DGKB: variants seen among roughly 807,000 people sequenced by gnomAD.
The protein encoded by DGKB is 90 kDa diacylglycerol kinase.
In DGKB, 67 loss-of-function variants were observed where a neutral mutation model predicts 114.3. The ratio of observed to expected loss-of-function variants is 0.59; its 90% CI spans 0.48 to 0.72. The LOEUF (loss-of-function observed/expected upper bound fraction) is 0.72, where lower values mean the gene tolerates loss of function less well. DGKB is among the 30% of genes least tolerant of loss of function. The pLI, the probability that DGKB is intolerant of heterozygous loss-of-function variation, is 0.00. For missense variants in DGKB, 907 were observed against 975.2 expected, an observed-to-expected ratio of 0.93 and a Z score of 0.93; for synonymous variants, 398 against 323.1, an observed-to-expected ratio of 1.23 and a Z score of -2.49.
intron 21 of DGKB, among the ~76,000 whole-genome samples, chr7:14,354,701 C>T (rs1814126864): frequency 6.6e-6 from 1 of 152,086 alleles, no homozygotes; most frequent in South Asian, 2.1e-4. Flanking sequence ...TGCTGAAATT[C>T]CATAGTTACC....
At chr7:14,785,270 CTTATTA>C (rs1248723467) in intron 2 of DGKB, among the ~76,000 whole-genome samples, 7 of 152,006 alleles carry the variant, frequency 4.6e-5, no homozygotes, top group Non-Finnish European at 1.0e-4. Flanking sequence ...TTTCAAGTAT[CTTATTA>C]TAAGTATTTT....
intron 23 of DGKB, among the ~76,000 whole-genome samples, chr7:14,295,961 G>T (rs1486185903): frequency 1.3e-5 from 2 of 151,084 alleles, no homozygotes; most frequent in African/African-American, 4.9e-5. Flanking sequence ...GCAGTGTTTG[G>T]TTTTCTATTC....
intron 13 of DGKB, among the ~76,000 whole-genome samples, chr7:14,634,671 GA>G (rs1810404452): frequency 6.6e-6 from 1 of 151,450 alleles, no homozygotes; most frequent in Non-Finnish European, 1.5e-5. Context: ...GTAAGATAAA[GA>G]AAAATTGTCT....
At chr7:14,558,156 T>C (rs987370135) in intron 20 of DGKB, among the ~76,000 whole-genome samples, 4 of 150,242 alleles carry the variant, frequency 2.7e-5, no homozygotes, top group African/African-American at 9.7e-5. Context: ...CTATATAATA[T>C]GTAAATAATT....
intron 13 of DGKB, among the ~76,000 whole-genome samples, chr7:14,645,633 C>A (rs1221310365): frequency 6.6e-6 from 1 of 151,468 alleles, no homozygotes; most frequent in African/African-American, 2.4e-5. Context: ...ATTAGACTAA[C>A]AACACACTTC....
At chr7:14,489,733 G>C (rs1469557814) in intron 20 of DGKB, among the ~76,000 whole-genome samples, 3 of 152,178 alleles carry the variant, frequency 2.0e-5, no homozygotes, top group Non-Finnish European at 4.4e-5. Flanking sequence ...CTTGGGATGA[G>C]ATGGGAGAGT....
At chr7:14,517,714 A>T (rs781453216) in intron 20 of DGKB, among the ~76,000 whole-genome samples, 1 of 152,144 alleles carries the variant, frequency 6.6e-6, no homozygotes, top group Admixed American at 6.6e-5. Context: ...AAAAAGGCCC[A>T]AAATCAATAA....
At chr7:14,609,666 C>A (rs1371149075) in intron 16 of DGKB, among the ~76,000 whole-genome samples, 2 of 151,652 alleles carry the variant, frequency 1.3e-5, no homozygotes, top group African/African-American at 4.8e-5. Flanking sequence ...GAACTTAAAT[C>A]AATGGGAAAA....
chr7:14,395,821 A>T (rs17168132), intron 21 of DGKB, among the ~76,000 whole-genome samples: 91,542 of 151,696 alleles, frequency 0.6, 29,404 homozygotes, highest in Middle Eastern at 0.74. Flanking sequence ...ATTCTTGAAC[A>T]TCTATATATA....
intron 23 of DGKB, among the ~76,000 whole-genome samples, chr7:14,247,886 C>T (rs563346375): frequency 1.6e-3 from 240 of 151,904 alleles, no homozygotes; most frequent in African/African-American, 3.2e-3. Context: ...TTTTGTCGCC[C>T]GTACTTTTGG....
chr7:14,765,526 G>C (rs1836321196), intron 2 of DGKB, among the ~76,000 whole-genome samples: 1 of 151,566 alleles, frequency 6.6e-6, no homozygotes, highest in African/African-American at 2.4e-5. Flanking sequence ...GTATTTGCTG[G>C]TAATTTTTAC....
intron 13 of DGKB, among the ~76,000 whole-genome samples, chr7:14,643,406 A>G (rs1183362606): frequency 6.6e-6 from 1 of 152,144 alleles, no homozygotes; most frequent in Non-Finnish European, 1.5e-5. Context: ...ACCAAAGCTG[A>G]TGCATCATGG....
At chr7:14,799,893 G>A (rs1418022446) in intron 2 of DGKB, among the ~76,000 whole-genome samples, 1 of 152,020 alleles carries the variant, frequency 6.6e-6, no homozygotes, top group Non-Finnish European at 1.5e-5. Context: ...TTTGATGCAA[G>A]GGCCTGCATA....
intron 2 of DGKB, among the ~76,000 whole-genome samples, chr7:14,766,400 G>A (rs1211001677): frequency 6.6e-6 from 1 of 151,830 alleles, no homozygotes; most frequent in African/African-American, 2.4e-5. Context: ...TTTCCTTATT[G>A]ATTGGATATG....
At chr7:14,473,077 C>T (rs1192104750) in intron 21 of DGKB, among the ~76,000 whole-genome samples, 3 of 152,126 alleles carry the variant, frequency 2.0e-5, no homozygotes, top group East Asian at 1.9e-4. Context: ...AGGAGTCAAA[C>T]GTTAATCCCC....
At chr7:14,732,197 A>ATT (rs11414474) in intron 5 of DGKB, among the ~76,000 whole-genome samples, 2 of 151,126 alleles carry the variant, frequency 1.3e-5, no homozygotes, top group East Asian at 1.9e-4. Flanking sequence ...AGTGAGCATA[A>ATT]TTTTTTTTCC....
chr7:14,556,368 T>C (rs2128657599), intron 20 of DGKB, among the ~76,000 whole-genome samples: 1 of 152,270 alleles, frequency 6.6e-6, no homozygotes, highest in Middle Eastern at 3.4e-3. Context: ...GTTTCATTTC[T>C]AGTTGATGAA....
chr7:14,654,602 G>A (rs979982771), intron 13 of DGKB, among the ~76,000 whole-genome samples: 2 of 151,836 alleles, frequency 1.3e-5, no homozygotes, highest in African/African-American at 2.4e-5. Context: ...GCAAAGGGAG[G>A]AATAACACTA....
intron 20 of DGKB, among the ~76,000 whole-genome samples, chr7:14,519,278 C>T (rs1789348618): frequency 6.6e-6 from 1 of 151,972 alleles, no homozygotes; most frequent in Admixed American, 6.6e-5. Context: ...CCTCAGGCAA[C>T]CTCTGATATA....
Sources: allele counts gnomAD v4.1 joint callset (sites outside exome capture counted in the v4.1 genomes callset), GRCh38; gene constraint gnomAD v4.1.1; transcripts MANE v1.5; gene names NCBI Gene and HGNC (gene_info 2026-07-23, HGNC 2026-07-21).